The following SDK1 variants were observed in gnomAD, a reference collection of about 807,000 sequenced individuals.
The protein encoded by SDK1 is sidekick cell adhesion molecule 1.
SDK1 carries 157 observed loss-of-function variants against 245.5 expected under a neutral mutation model. The ratio of observed to expected loss-of-function variants is 0.64; its 90% CI spans 0.56 to 0.73. The LOEUF is 0.73. SDK1 is among the 30% of genes least tolerant of loss of function. The pLI, the probability that SDK1 is intolerant of heterozygous loss-of-function variation, is 0.00. For missense variants in SDK1, 3,583 were observed against 3,002.3 expected, an observed-to-expected ratio of 1.19 and a Z score of -4.52; for synonymous variants, 1,647 against 1,278.5, an observed-to-expected ratio of 1.29 and a Z score of -6.15.
intron 4 of SDK1, among the ~76,000 whole-genome samples, chr7:3,687,132 A>G (rs1694954974): frequency 6.7e-6 from 1 of 149,900 alleles, no homozygotes; most frequent in Admixed American, 6.6e-5. Context: ...TGTTTCCAAG[A>G]CAAATGAAAA....
chr7:3,906,830 A>C (rs1055809687), intron 5 of SDK1, among the ~76,000 whole-genome samples: 1 of 151,930 alleles, frequency 6.6e-6, no homozygotes, highest in African/African-American at 2.4e-5. Context: ...GGGTTTCACC[A>C]TGTTGCCTAG....
chr7:3,498,212 A>G (rs1221193141), intron 1 of SDK1, among the ~76,000 whole-genome samples: 1 of 152,234 alleles, frequency 6.6e-6, no homozygotes, highest in Non-Finnish European at 1.5e-5. Context: ...CTGCCTTGAA[A>G]AAAGTCAACT....
At position 3,831,625 on chromosome 7, in the gene SDK1, C is replaced by CCTTAAA. The variant is rs1562476807; in HGVS notation, c.847+10042_847+10043insCTTAAA. Among the ~76,000 whole-genome samples the CCTTAAA allele has an allele frequency of 3.9e-5, 6 of 152,228 alleles. No individual in the cohort carries two copies. In the East Asian group the frequency reaches 1.2e-3, roughly 29 times the overall value. ...GGCCTGATATCCTATGGTTTAACTT[C>CCTTAAA]AGTTTCCAATTTTAAGGACAGAAAG... is the stretch of plus-strand genomic sequence containing the variant. On this transcript the variant is annotated intron_variant, in intron 5 of 44. Coordinates refer to ENST00000404826, the MANE Select transcript of SDK1 (RefSeq NM_152744.4).
In SDK1 at chr7:3,938,970, T is replaced by G. The variant is rs10255682; in HGVS notation, c.848-11953T>G. Among the ~76,000 whole-genome samples, 1,466 of 152,342 alleles carry G rather than the reference T, an allele frequency of 9.6e-3. 29 individuals carry two copies. Among genetic ancestry groups the G allele is most frequent in the African/African-American group, 0.034 (1,396 of 41,586 alleles). On this transcript the variant is annotated intron_variant, in intron 5 of 44. Transcript: ENST00000404826. ...ATGAGAAGAAAAGAAACTGCTGGAT[T>G]GTCAAACTGTCATTTTATTTATCGT...
intron 4 of SDK1, among the ~76,000 whole-genome samples, chr7:3,662,371 C>A (rs895608082): frequency 6.6e-6 from 1 of 152,174 alleles, no homozygotes; most frequent in Non-Finnish European, 1.5e-5. Context: ...CAGCTCAGCA[C>A]TGGGAGCCAG....
At chr7:4,077,389 C>A (rs187630087) in intron 21 of SDK1, among the ~76,000 whole-genome samples, 200 bp downstream of exon 21, 3 of 152,248 alleles carry the variant, frequency 2.0e-5, no homozygotes, top group Non-Finnish European at 4.4e-5. Context: ...CACGGCCTCA[C>A]GTCCCTTCTG....
chr7:3,410,777 G>A (rs1779180374), intron 1 of SDK1, among the ~76,000 whole-genome samples: 1 of 151,864 alleles, frequency 6.6e-6, no homozygotes, highest in Admixed American at 6.6e-5. Context: ...AGTAGAGACA[G>A]GCTTTCACCA....
chr7:3,452,995 G>A (rs1780562865), intron 1 of SDK1, among the ~76,000 whole-genome samples: 1 of 152,138 alleles, frequency 6.6e-6, no homozygotes, highest in African/African-American at 2.4e-5. Context: ...GCCATTGTGG[G>A]TTTTAATGCC....
rs577906940 is a variant in SDK1, at chr7:3,310,607, T to C, written c.298+8723T>C. ...AACCATTCACTGAGGTTGGACCACC[T>C]CTGGGCAGCATGATCATTAGTTTGG... On this transcript the variant is annotated intron_variant, in intron 1 of 44. Transcript: ENST00000404826. 3.3e-5 allele frequency among the ~76,000 whole-genome samples: 5 copies of C among 152,326 alleles called. No individual in the cohort carries two copies. The East Asian group carries it at 9.6e-4, about 29-fold the overall frequency.
chr7:4,219,345 AC>A, intron 38 of SDK1, among the ~76,000 whole-genome samples: 1 of 152,148 alleles, frequency 6.6e-6, no homozygotes, highest in South Asian at 2.1e-4. Context: ...ATAAAGACAT[AC>A]TTGAGACTGG....
intron 1 of SDK1, among the ~76,000 whole-genome samples, chr7:3,375,722 G>GGT (rs1781338320): frequency 6.6e-6 from 1 of 152,132 alleles, no homozygotes; most frequent in Non-Finnish European, 1.5e-5. Flanking sequence ...CTGCCATGTG[G>GGT]GTGAGCCATC....
chr7:4,163,518 C>T (rs1049885362), intron 32 of SDK1, among the ~76,000 whole-genome samples: 6 of 152,130 alleles, frequency 3.9e-5, no homozygotes, highest in African/African-American at 1.4e-4. Flanking sequence ...CAGCCAAGGC[C>T]ACCAGTAGGT....
intron 7 of SDK1, chr7:3,957,917 G>C: frequency 2.1e-6 from 1 of 466,342 alleles, no homozygotes; most frequent in Non-Finnish European, 4.4e-6. Context: ...CTTTCTGCTT[G>C]AGTGGTCCAG....
At chr7:3,711,809 G>C (rs780764651) in intron 4 of SDK1, among the ~76,000 whole-genome samples, 1 of 152,206 alleles carries the variant, frequency 6.6e-6, no homozygotes, top group African/African-American at 2.4e-5. Flanking sequence ...GCTTCTGTAT[G>C]CCTGGAAGCT....
chr7:3,717,351 A>C (rs1346991917), intron 4 of SDK1, among the ~76,000 whole-genome samples: 2 of 152,234 alleles, frequency 1.3e-5, no homozygotes, highest in African/African-American at 2.4e-5. Flanking sequence ...TGTGTCAAAG[A>C]AAGTATCTTA....
chr7:3,720,332 G>A (rs1403186955), intron 4 of SDK1, among the ~76,000 whole-genome samples: 9 of 152,122 alleles, frequency 5.9e-5, no homozygotes, highest in Admixed American at 3.9e-4. Context: ...CGTACCTGAT[G>A]AAGAACTAGA....
chr7:3,413,859 G>A (rs1297400402), intron 1 of SDK1, among the ~76,000 whole-genome samples: 1 of 152,160 alleles, frequency 6.6e-6, no homozygotes, highest in Non-Finnish European at 1.5e-5. Context: ...TGTGGCACAT[G>A]TTTGTGGTCC....
intron 35 of SDK1, among the ~76,000 whole-genome samples, chr7:4,194,845 C>G (rs1010546620): frequency 1.3e-5 from 2 of 152,162 alleles, no homozygotes; most frequent in African/African-American, 4.8e-5. Context: ...ATCCTTCAAT[C>G]CAATCAAGTT....
intron 4 of SDK1, among the ~76,000 whole-genome samples, chr7:3,796,521 C>T (rs73672175): frequency 0.087 from 12,945 of 148,760 alleles, 1,797 homozygotes; most frequent in African/African-American, 0.31. Flanking sequence ...TGCCCCTCTC[C>T]CCCCCAGCCT....
Sources: allele counts gnomAD v4.1 joint callset (sites outside exome capture counted in the v4.1 genomes callset), GRCh38; gene constraint gnomAD v4.1.1; transcripts MANE v1.5; gene names NCBI Gene and HGNC (gene_info 2026-07-23, HGNC 2026-07-21).